The following SLC25A46 variants were observed in gnomAD, a reference collection of about 807,000 sequenced individuals.
SLC25A46 encodes the protein mitochondrial outer membrane protein SLC25A46.
A neutral mutation model predicts 44.6 loss-of-function variants in SLC25A46; 39 were observed. The observed-to-expected ratio is 0.87, with a 90% CI of 0.68 to 1.14. SLC25A46 has a LOEUF of 1.14. Ranked by LOEUF, SLC25A46 falls within the 50% of genes most tolerant of loss-of-function variation. The pLI, the probability that SLC25A46 is intolerant of heterozygous loss-of-function variation, is 0.00. For missense variants in SLC25A46, 547 were observed against 522.7 expected (o/e 1.05, Z -0.45); for synonymous variants, 202 against 185.8 (o/e 1.09, Z -0.71).
rs768682575 is a variant in SLC25A46, at chr5:110,748,212, G to T, written c.512G>T (p.Gly171Val). ...ATGGGAAGTACATTTATTGTCCAGG[G>T]AGTCACACTTGGAGCAGAAGGCATA... ...KGMGSTFIVQ[G>V]VTLGAEGIIS... Residue 171 changes from glycine to valine, a missense_variant, in exon 5 of 8, where the codon GGA (glycine) becomes GTA (valine). Coordinates refer to ENST00000355943, the MANE Select transcript of SLC25A46 (RefSeq NM_138773.4). The T allele has an allele frequency of 1.2e-6, 2 of 1,613,684 alleles. No homozygotes were observed. Among genetic ancestry groups the T allele is most frequent in the Non-Finnish European group, 1.7e-6 (2 of 1,179,712 alleles).
intron 5 of SLC25A46, chr5:110,754,422 A>T (rs1800053024): frequency 9.1e-6 from 1 of 109,604 alleles, no homozygotes; most frequent in African/African-American, 3.5e-5. Flanking sequence ...TACCCTCTAT[A>T]ATCTTGACTC....
At chr5:110,753,853 T>C (rs1017947664) in intron 5 of SLC25A46, 3 of 152,150 alleles carry the variant, frequency 2.0e-5, no homozygotes, top group Admixed American at 2.0e-4. Context: ...TACTTAAAAT[T>C]GGTGTCGTCA....
intron 4 of SLC25A46, among the ~76,000 whole-genome samples, chr5:110,747,665 G>C (rs1051534992): frequency 1.3e-5 from 2 of 152,114 alleles, no homozygotes; most frequent in African/African-American, 4.8e-5. Context: ...GAAGAGCATG[G>C]ATTTGTAAGA....
At chr5:110,739,959 T>A (rs571935042) in intron 1 of SLC25A46, among the ~76,000 whole-genome samples, 1 of 152,300 alleles carries the variant, frequency 6.6e-6, no homozygotes, top group Admixed American at 6.5e-5. Flanking sequence ...TTCCTTTTCC[T>A]TTTTGAACAC....
intron 7 of SLC25A46, among the ~76,000 whole-genome samples, chr5:110,759,443 C>T (rs1304834955): frequency 6.6e-6 from 1 of 151,656 alleles, no homozygotes; most frequent in African/African-American, 2.4e-5. Flanking sequence ...GGAAGGATGC[C>T]GATGTGGCTG....
Position 110,744,030 on chromosome 5 carries a change from G to A in SLC25A46, c.384+243G>A, listed in dbSNP as rs79684465. ...AAATTAAAATTGGGAAAATTTCAATGCATCTATATAATTCATTAAAATAAT... is the reference window on the plus strand; with the variant it reads ...AAATTAAAATTGGGAAAATTTCAATACATCTATATAATTCATTAAAATAAT... On this transcript the variant is annotated intron_variant, in intron 3 of 7. Coordinates refer to ENST00000355943, the MANE Select transcript of SLC25A46 (RefSeq NM_138773.4). Among the ~76,000 whole-genome samples the A allele has an allele frequency of 0.028, 4,299 of 152,198 alleles. 99 individuals carry two copies. The highest frequency in any genetic ancestry group is 0.041 in the Non-Finnish European group (2,796 of 67,956).
intron 4 of SLC25A46, among the ~76,000 whole-genome samples, chr5:110,746,961 C>G (rs1010569957): frequency 6.6e-6 from 1 of 152,136 alleles, no homozygotes; most frequent in Non-Finnish European, 1.5e-5. Flanking sequence ...GATCCAGATT[C>G]TAAAGCACCT....
chr5:110,748,960 G>T (rs1396197799), intron 5 of SLC25A46, among the ~76,000 whole-genome samples: 1 of 152,006 alleles, frequency 6.6e-6, no homozygotes, highest in Admixed American at 6.6e-5. Context: ...TATTCAAATG[G>T]CAGTATAAAA....
At chr5:110,740,928 G>A (rs1419975814) in intron 1 of SLC25A46, among the ~76,000 whole-genome samples, 2 of 152,216 alleles carry the variant, frequency 1.3e-5, no homozygotes, top group African/African-American at 2.4e-5. Flanking sequence ...CTCCAGCCTG[G>A]GCGACAGAGC....
chr5:110,739,546 T>C (rs948717532), intron 1 of SLC25A46, 144 bp downstream of exon 1: 29 of 1,172,476 alleles, frequency 2.5e-5, no homozygotes, highest in Non-Finnish European at 3.1e-5. Flanking sequence ...CCTCCTTTGG[T>C]CCTCTGCCCC....
intron 2 of SLC25A46, 67 bp downstream of exon 2, chr5:110,742,156 A>G (rs1799707821): frequency 4.5e-6 from 5 of 1,121,692 alleles, no homozygotes; most frequent in Non-Finnish European, 5.0e-6. Context: ...TTTAATTTAC[A>G]ATATTAAATG....
At chr5:110,743,507 T>A (rs112835363) in intron 2 of SLC25A46, among the ~76,000 whole-genome samples, 17 of 152,240 alleles carry the variant, frequency 1.1e-4, no homozygotes, top group African/African-American at 4.1e-4. Context: ...TATTTACTAG[T>A]ATGCAGATCT....
rs1050138450 is a variant in SLC25A46 at position 110,762,686 on chromosome 5, T to C, written c.*904T>C. The C allele has an allele frequency of 6.6e-6, 1 of 151,948 alleles. No individual in the cohort carries two copies. The highest frequency in any genetic ancestry group is 2.4e-5 in the African/African-American group (1 of 41,430). The allele number at this position is 151,948 out of a possible 1,614,324, so 9.4% of individuals were successfully genotyped here. ...AAAATAATCATGACAATTACTACTG[T>C]TTCCACATTTACAAATTGTGTACTT... On this transcript the variant is annotated 3_prime_UTR_variant, in exon 8 of 8. Transcript: ENST00000355943.
rs568011666 is a variant in SLC25A46 at position 110,742,566 on chromosome 5, A to G, written c.326+477A>G. On this transcript the variant is annotated intron_variant, in intron 2 of 7. Coordinates refer to ENST00000355943, the MANE Select transcript of SLC25A46 (RefSeq NM_138773.4). ...ACATACAGTGATCTAGTTTCATTTT[A>G]TACCGTAGATATTAATATTGTGTAT... Among the ~76,000 whole-genome samples, 54 of 152,208 alleles carry G rather than the reference A, an allele frequency of 3.5e-4. No homozygotes were observed. In the South Asian group the frequency reaches 0.011, roughly 32 times the overall value.
chr5:110,761,154 G>T lies in SLC25A46; in HGVS notation c.679-50G>T. Reference sequence around the variant, plus strand: ...ACCTAAAAAGAGTCCTTTTTCTGTGGCAAAATAAGCAAATGTTAAGTTTTA... The same window carrying T: ...ACCTAAAAAGAGTCCTTTTTCTGTGTCAAAATAAGCAAATGTTAAGTTTTA... On this transcript the variant is annotated intron_variant, in intron 7 of 7. Coordinates refer to ENST00000355943, the MANE Select transcript of SLC25A46 (RefSeq NM_138773.4). This position sits in a 1 kb window ranked among gnomAD's most constrained non-coding sequence, Gnocchi z 5.3. The T allele has an allele frequency of 7.0e-7, 1 of 1,433,734 alleles. No homozygotes were observed. The allele number at this position is 1,433,734 out of a possible 1,614,324, so 88.8% of individuals were successfully genotyped here. A position where few individuals can be genotyped will look rare whatever the true frequency, so the allele number is the denominator to read the frequency against.
intron 1 of SLC25A46, among the ~76,000 whole-genome samples, chr5:110,739,926 T>C (rs1799599512): frequency 6.6e-6 from 1 of 150,454 alleles, no homozygotes; most frequent in African/African-American, 2.4e-5. Flanking sequence ...ATGGGACACA[T>C]AGGCTAAAAA....
rs1253575279 is a variant in SLC25A46, at chr5:110,764,586, TAA to T, written c.*2807_*2808del. The T allele has an allele frequency of 6.6e-6, 1 of 151,938 alleles. No individual in the cohort carries two copies. Among genetic ancestry groups the T allele is most frequent in the Non-Finnish European group, 1.5e-5 (1 of 67,928 alleles). The allele number at this position is 151,938 out of a possible 1,614,324, so 9.4% of individuals were successfully genotyped here. ...ACTGTCTTTTTAGCAGCAGCTTTGT[TAA>T]AACTGCACAAAGCATTCACTTTATT... is the stretch of plus-strand genomic sequence containing the variant. On this transcript the variant is annotated 3_prime_UTR_variant, in exon 8 of 8. Coordinates refer to ENST00000355943, the MANE Select transcript of SLC25A46 (RefSeq NM_138773.4).
intron 5 of SLC25A46, among the ~76,000 whole-genome samples, chr5:110,749,508 G>T (rs944165491): frequency 3.2e-5 from 4 of 125,822 alleles, no homozygotes; most frequent in Non-Finnish European, 7.0e-5. Flanking sequence ...GTGTGGGAGC[G>T]GTGGGAAGGG....
intron 1 of SLC25A46, chr5:110,741,794 C>T (rs1257446979): frequency 2.7e-5 from 9 of 327,960 alleles, no homozygotes; most frequent in Non-Finnish European, 5.0e-5. Context: ...TCTAATGTGG[C>T]AACAATGAAT....
Sources: allele counts gnomAD v4.1 joint callset (sites outside exome capture counted in the v4.1 genomes callset), GRCh38; gene constraint gnomAD v4.1.1; non-coding constraint Gnocchi (gnomAD v3.1); transcripts MANE v1.5; gene names NCBI Gene and HGNC (gene_info 2026-07-23, HGNC 2026-07-21).